SUCLA2: variants seen among roughly 807,000 people sequenced by gnomAD.
The protein encoded by SUCLA2 is succinate-CoA ligase ADP-forming subunit beta.
SUCLA2 carries 30 observed loss-of-function variants against 54.8 expected under a neutral mutation model. The observed-to-expected ratio is 0.55, with a 90% CI of 0.41 to 0.74. The LOEUF is 0.74. SUCLA2 is among the 30% of genes least tolerant of loss of function. The probability of loss-of-function intolerance (pLI) is 0.00; values close to 1 mark genes in which losing one functional copy is unlikely to be tolerated. For missense variants in SUCLA2, 476 were observed against 562.9 expected (o/e 0.85, Z 1.56); for synonymous variants, 172 against 188.9 (o/e 0.91, Z 0.74).
chr13:47,954,284 T>C lies in SUCLA2; in HGVS notation c.965-2A>G. On this transcript the variant is annotated splice_acceptor_variant, in intron 7 of 10. Transcript: ENST00000646932. LOFTEE classifies it high-confidence loss of function. ...CCATAGCCAAACCAGCACCATTTACTATATAGGGGAAAATGATTTGTATAA... is the reference window on the plus strand; with the variant it reads ...CCATAGCCAAACCAGCACCATTTACCATATAGGGGAAAATGATTTGTATAA... The C allele has an allele frequency of 6.2e-7, 1 of 1,613,794 alleles. No homozygotes were observed. Among genetic ancestry groups the C allele is most frequent in the Non-Finnish European group, 8.5e-7 (1 of 1,179,770 alleles).
chr13:47,967,741 G>A (rs1403736903), intron 6 of SUCLA2, among the ~76,000 whole-genome samples: 1 of 151,724 alleles, frequency 6.6e-6, no homozygotes, highest in African/African-American at 2.4e-5. Flanking sequence ...CTACTTGGGA[G>A]GCTGAGGCAG....
intron 4 of SUCLA2, among the ~76,000 whole-genome samples, chr13:47,984,456 C>T (rs1322461831): frequency 6.6e-6 from 1 of 152,128 alleles, no homozygotes; most frequent in East Asian, 1.9e-4. Flanking sequence ...CCCGCCTCAG[C>T]CTCCCAAAGT....
chr13:47,948,535 T>A (rs1039565760), intron 10 of SUCLA2, among the ~76,000 whole-genome samples: 9 of 152,294 alleles, frequency 5.9e-5, no homozygotes, highest in African/African-American at 2.2e-4. Flanking sequence ...ACTTCTGTAT[T>A]TGTCCCTGCA....
chr13:47,961,725 T>C (rs1949873025), intron 6 of SUCLA2, among the ~76,000 whole-genome samples: 1 of 152,224 alleles, frequency 6.6e-6, no homozygotes, highest in Non-Finnish European at 1.5e-5. Context: ...TGTCTTAATA[T>C]ATGTTGTCAG....
intron 2 of SUCLA2, among the ~76,000 whole-genome samples, chr13:47,992,059 G>C (rs1475258474): frequency 1.3e-5 from 2 of 152,156 alleles, no homozygotes; most frequent in African/African-American, 4.8e-5. Flanking sequence ...GTCCAGTCCT[G>C]ATTTTCCAGC....
intron 4 of SUCLA2, 171 bp downstream of exon 4, chr13:47,988,370 C>T (rs1008802979): frequency 3.0e-5 from 20 of 673,772 alleles, no homozygotes; most frequent in African/African-American, 1.3e-4. Flanking sequence ...TCAAATTTTA[C>T]GGCATTAAAG....
chr13:47,987,042 A>C (rs554802807), intron 4 of SUCLA2, among the ~76,000 whole-genome samples: 2 of 152,348 alleles, frequency 1.3e-5, no homozygotes, highest in Non-Finnish European at 2.9e-5. Flanking sequence ...TCGGTCAAAC[A>C]GTTTTACTGG....
intron 6 of SUCLA2, among the ~76,000 whole-genome samples, chr13:47,954,790 T>C (rs1450486740): frequency 6.6e-6 from 1 of 152,144 alleles, no homozygotes; most frequent in African/African-American, 2.4e-5. Flanking sequence ...ATGCACTACA[T>C]AAAGAAAAAG....
intron 2 of SUCLA2, chr13:47,991,819 CTTG>C (rs1389114559): frequency 6.6e-6 from 1 of 152,190 alleles, no homozygotes; most frequent in Non-Finnish European, 1.5e-5. Flanking sequence ...GAAAAAGTAT[CTTG>C]TTTAGATAAG....
At chr13:47,958,291 G>A (rs1259208399) in intron 6 of SUCLA2, among the ~76,000 whole-genome samples, 2 of 152,166 alleles carry the variant, frequency 1.3e-5, no homozygotes, top group Non-Finnish European at 1.5e-5. Flanking sequence ...TAAAATCAGT[G>A]AGTTTGTATT....
At position 47,996,863 on chromosome 13, in the gene SUCLA2, T is replaced by A; in HGVS notation, c.251A>T (p.Tyr84Phe). 1 of 1,613,638 alleles carries A rather than the reference T, an allele frequency of 6.2e-7. No homozygotes were observed. Among genetic ancestry groups the A allele is most frequent in the East Asian group, 2.2e-5 (1 of 44,876 alleles). Residue 84 changes from tyrosine to phenylalanine, a missense_variant, in exon 2 of 11, where the codon TAT becomes TTT. Tyr to Phe is a conservative substitution (Grantham distance 22). This residue lies in a region of SUCLA2 where 134 missense variants were observed against 118.7 expected (regional missense o/e 1.13). Coordinates refer to ENST00000646932, the MANE Select transcript of SUCLA2 (RefSeq NM_003850.3). ...AGTACCTAATTTTTTGGCAATTGCATAAGCTTCATCTGGTGACTTTGCCAC... is the reference window on the plus strand; with the variant it reads ...AGTACCTAATTTTTTGGCAATTGCAAAAGCTTCATCTGGTGACTTTGCCAC... Reference protein sequence around the residue: ...GYVAKSPDEAYAIAKKLGSKD... With the variant: ...GYVAKSPDEAFAIAKKLGSKD...
intron 10 of SUCLA2, among the ~76,000 whole-genome samples, chr13:47,943,766 G>A (rs71428266): frequency 0.83 from 116,373 of 139,426 alleles, 49,012 homozygotes; most frequent in Non-Finnish European, 0.89. Flanking sequence ...GTGTGTGTGT[G>A]TATATATATA....
chr13:47,960,404 A>C (rs1949860497), intron 6 of SUCLA2, among the ~76,000 whole-genome samples: 1 of 152,180 alleles, frequency 6.6e-6, no homozygotes, highest in African/African-American at 2.4e-5. Flanking sequence ...AAGAGCTTTA[A>C]GATTTCTGGC....
At chr13:47,979,635 T>C (rs1172091513) in intron 4 of SUCLA2, among the ~76,000 whole-genome samples, 1 of 151,980 alleles carries the variant, frequency 6.6e-6, no homozygotes, top group Non-Finnish European at 1.5e-5. Flanking sequence ...TTGAGTATAA[T>C]AATAATAAAA....
chr13:47,965,904 C>T (rs1395205255), intron 6 of SUCLA2, among the ~76,000 whole-genome samples: 2 of 152,170 alleles, frequency 1.3e-5, no homozygotes, highest in African/African-American at 2.4e-5. Flanking sequence ...AACAATTAGC[C>T]GTATGCGGTG....
At chr13:47,994,591 C>T (rs1311633530) in intron 2 of SUCLA2, among the ~76,000 whole-genome samples, 2 of 149,834 alleles carry the variant, frequency 1.3e-5, no homozygotes, top group African/African-American at 4.9e-5. Flanking sequence ...AAAAAAAAAC[C>T]ACGAAATTGT....
At chr13:47,972,081 T>C (rs567405088) in intron 5 of SUCLA2, 2 of 378,224 alleles carry the variant, frequency 5.3e-6, no homozygotes, top group South Asian at 2.9e-4. Context: ...CAAAACCCCA[T>C]CTCTACTAAA....
At chr13:47,989,180 T>G (rs1950130587) in intron 2 of SUCLA2, among the ~76,000 whole-genome samples, 199 bp from the exon 3 acceptor site, 1 of 151,872 alleles carries the variant, frequency 6.6e-6, no homozygotes. Flanking sequence ...AGGCCCACAA[T>G]TTTCAAAATT....
In SUCLA2 at chr13:47,973,235, G is replaced by A. The variant is rs201018770; in HGVS notation, c.663+29C>T. The A allele has an allele frequency of 8.1e-6, 13 of 1,596,614 alleles. No homozygotes were observed. In the East Asian group the frequency reaches 2.5e-4, roughly 30 times the overall value. On this transcript the variant is annotated intron_variant, in intron 5 of 10. Coordinates refer to ENST00000646932, the MANE Select transcript of SUCLA2 (RefSeq NM_003850.3). ...AAGTATCATAATTCTCTAATCATAA[G>A]CTAGAAATTTTTCAGGAATACAACA...
Sources: gnomAD v4.1 joint callset for allele counts (sites outside exome capture counted in the v4.1 genomes callset) on GRCh38, gnomAD v4.1.1 for gene constraint, gnomAD v4.1.1 regional missense constraint, MANE v1.5 for transcripts, NCBI Gene and HGNC (gene_info 2026-07-23, HGNC 2026-07-21) for gene names.